Variants in BEND7 observed in about 807,000 individuals in gnomAD.
The protein encoded by BEND7 is BEN domain containing 7, also known as BEN domain-containing protein 7.
BEND7 carries 28 observed loss-of-function variants against 50.9 expected under a neutral mutation model. The observed-to-expected ratio is 0.55, with a 90% confidence interval of 0.41 to 0.75. The LOEUF is 0.75. BEND7 is among the 30% of genes least tolerant of loss of function. The probability of loss-of-function intolerance (pLI) is 0.00; values close to 1 mark genes in which losing one functional copy is unlikely to be tolerated. For missense variants in BEND7, 477 were observed against 491.3 expected (o/e 0.97, Z 0.28); for synonymous variants, 170 against 183.9 (o/e 0.92, Z 0.61).
chr10:13,482,690 C>T (rs902345835), intron 5 of BEND7, among the ~76,000 whole-genome samples: 4 of 152,200 alleles, frequency 2.6e-5, no homozygotes, highest in Non-Finnish European at 5.9e-5. Context: ...CTTTGCCATT[C>T]CATGTTTGGT....
At chr10:13,501,145 C>A (rs1159552218) in intron 2 of BEND7, among the ~76,000 whole-genome samples, 1 of 152,006 alleles carries the variant, frequency 6.6e-6, no homozygotes, top group East Asian at 1.9e-4. Context: ...GAGGCCGAGG[C>A]GGGTAGATCA....
intron 5 of BEND7, among the ~76,000 whole-genome samples, chr10:13,489,675 A>T (rs886972476): frequency 6.6e-6 from 1 of 152,294 alleles, no homozygotes. Flanking sequence ...TACTGTTTGT[A>T]TATTTACCAA....
chr10:13,515,247 G>A (rs889352990), intron 2 of BEND7, among the ~76,000 whole-genome samples: 2 of 152,114 alleles, frequency 1.3e-5, no homozygotes, highest in African/African-American at 2.4e-5. Flanking sequence ...ACAAATGCTC[G>A]CAGAATACTC....
intron 1 of BEND7, among the ~76,000 whole-genome samples, chr10:13,528,134 G>A (rs938796660): frequency 1.2e-4 from 19 of 152,094 alleles, no homozygotes; most frequent in African/African-American, 4.3e-4. Flanking sequence ...AGGTCCGAGG[G>A]TCCACGCTCG....
intron 6 of BEND7, among the ~76,000 whole-genome samples, chr10:13,466,428 G>A (rs912812550): frequency 7.9e-5 from 12 of 152,016 alleles, no homozygotes; most frequent in Middle Eastern, 3.4e-3. Flanking sequence ...GCGTGGTGGC[G>A]CACACCTGTA....
At chr10:13,439,006 C>T, downstream of BEND7, 1 of 668,892 alleles carries the variant, frequency 1.5e-6, no homozygotes, top group South Asian at 2.0e-5. Context: ...TTCATGGAAA[C>T]CTCAGGTCCA....
intron 6 of BEND7, among the ~76,000 whole-genome samples, chr10:13,463,778 C>T (rs879437183): frequency 5.9e-5 from 9 of 152,086 alleles, no homozygotes; most frequent in Non-Finnish European, 7.3e-5. Flanking sequence ...TTGTAGGCAA[C>T]GTCTTCACAA....
chr10:13,450,210 C>G (rs1837373486), intron 7 of BEND7, among the ~76,000 whole-genome samples: 1 of 152,226 alleles, frequency 6.6e-6, no homozygotes, highest in South Asian at 2.1e-4. Context: ...AGAGGCAGTG[C>G]AGGCTTCCTT....
rs918858255 is a variant in BEND7 at position 13,487,375 on chromosome 10, T to C, written c.837+5236A>G. ...TCAGGCATACATGGCCTCAATTTCT[T>C]TTCTTTTCTTTTCTTTTTTTTTTTT... is the stretch of plus-strand genomic sequence containing the variant. On this transcript the variant is annotated intron_variant, in intron 5 of 8. Coordinates refer to ENST00000466271, the MANE Select transcript of BEND7 (RefSeq NM_001369863.1). 3.9e-5 allele frequency among the ~76,000 whole-genome samples: 3 copies of C among 77,466 alleles called. No homozygotes were observed. In the Admixed American group the frequency reaches 5.3e-4, roughly 14 times the overall value. 50.8% of individuals were successfully genotyped at this position (77,466 alleles called of 152,430 possible).
At chr10:13,468,214 G>A (rs990318050) in intron 6 of BEND7, among the ~76,000 whole-genome samples, 3 of 152,136 alleles carry the variant, frequency 2.0e-5, no homozygotes, top group African/African-American at 7.2e-5. Context: ...GGCAGTAAGT[G>A]GTACTGGCAC....
intron 2 of BEND7, among the ~76,000 whole-genome samples, chr10:13,505,583 C>T (rs1447338583): frequency 6.6e-6 from 1 of 152,230 alleles, no homozygotes; most frequent in Non-Finnish European, 1.5e-5. Flanking sequence ...AACTCTCACA[C>T]TGTGCTTGTG....
intron 5 of BEND7, 91 bp downstream of exon 5, chr10:13,492,519 TC>T: frequency 1.4e-6 from 2 of 1,477,896 alleles, no homozygotes; most frequent in Non-Finnish European, 1.8e-6. Flanking sequence ...TCTGCAAGTT[TC>T]TCTAGTTGTC....
intron 5 of BEND7, among the ~76,000 whole-genome samples, chr10:13,485,748 C>T (rs1246201086): frequency 6.6e-6 from 1 of 152,182 alleles, no homozygotes; most frequent in African/African-American, 2.4e-5. Context: ...ACAAACCTCC[C>T]CCATAATTGA....
At chr10:13,527,778 A>G (rs1219914993) in intron 1 of BEND7, 3 of 941,994 alleles carry the variant, frequency 3.2e-6, no homozygotes, top group South Asian at 4.9e-5. Context: ...GTAACTGAAC[A>G]CAGACAAGAC....
chr10:13,478,073 G>C (rs2075586773), intron 6 of BEND7, among the ~76,000 whole-genome samples: 1 of 152,222 alleles, frequency 6.6e-6, no homozygotes, highest in African/African-American at 2.4e-5. Flanking sequence ...TTATAGGGGA[G>C]AGGGGAGGGA....
chr10:13,474,463 A>G (rs1376998738), intron 6 of BEND7, among the ~76,000 whole-genome samples: 1 of 151,934 alleles, frequency 6.6e-6, no homozygotes, highest in Non-Finnish European at 1.5e-5. Flanking sequence ...GACTCGGGTC[A>G]ATACCCGTCA....
chr10:13,480,409 G>A (rs780121237), intron 6 of BEND7, among the ~76,000 whole-genome samples: 9 of 152,090 alleles, frequency 5.9e-5, no homozygotes, highest in Admixed American at 1.3e-4. Flanking sequence ...GTGTGGGGAC[G>A]CACAGGGTTT....
chr10:13,447,059 G>C (rs944647415), intron 8 of BEND7: 3 of 595,096 alleles, frequency 5.0e-6, no homozygotes, highest in Non-Finnish European at 8.9e-6. Flanking sequence ...ATGAAAATAA[G>C]AGTGTGAGAA....
chr10:13,474,890 C>T (rs1041953647), intron 6 of BEND7, among the ~76,000 whole-genome samples: 4 of 152,238 alleles, frequency 2.6e-5, no homozygotes, highest in African/African-American at 9.6e-5. Flanking sequence ...GGAGCTCTGA[C>T]TGTAGGGCTG....
Sources: gnomAD v4.1 joint callset for allele counts (sites outside exome capture counted in the v4.1 genomes callset) on GRCh38, gnomAD v4.1.1 for gene constraint, MANE v1.5 for transcripts, NCBI Gene and HGNC (gene_info 2026-07-23, HGNC 2026-07-21) for gene names.